SUSD1: variants seen among roughly 807,000 people sequenced by gnomAD.
SUSD1 encodes the protein sushi domain containing 1, also known as sushi domain-containing protein 1.
In SUSD1, 65 loss-of-function variants were observed where a neutral mutation model predicts 86.9. The observed-to-expected ratio is 0.75, with a 90% CI of 0.61 to 0.92. The LOEUF (loss-of-function observed/expected upper bound fraction) is 0.92. Ranked by LOEUF, SUSD1 falls within the 40% of genes least tolerant of loss-of-function variation. SUSD1 has a pLI of 0.00. For missense variants in SUSD1, 850 were observed against 929.7 expected, an observed-to-expected ratio of 0.91 and a Z score of 1.11; for synonymous variants, 346 against 350.0, an observed-to-expected ratio of 0.99 and a Z score of 0.13.
rs754148407 is a variant in SUSD1, at chr9:112,131,457, C to T, written c.707-7021G>A. Among the ~76,000 whole-genome samples, 43 of 152,156 alleles carry T rather than the reference C, an allele frequency of 2.8e-4. 1 individual carries two copies. Among genetic ancestry groups the T allele is most frequent in the Admixed American group, 2.0e-4 (3 of 15,272 alleles). On this transcript the variant is annotated intron_variant, in intron 5 of 16. Transcript: ENST00000374270. ...ACCTTCTTGGGCCTGATGTTTAACC[C>T]TATGTATGACATTATAGTCTGGCCT...
chr9:112,167,490 CG>C (rs1285089297), intron 1 of SUSD1, among the ~76,000 whole-genome samples: 1 of 152,136 alleles, frequency 6.6e-6, no homozygotes, highest in African/African-American at 2.4e-5. Context: ...TAAAGCAACA[CG>C]CAAATATGAG....
intron 15 of SUSD1, 129 bp from the exon 16 acceptor site, chr9:112,042,089 T>C (rs1827766267): frequency 1.3e-6 from 2 of 1,544,854 alleles, no homozygotes; most frequent in Admixed American, 2.0e-5. Flanking sequence ...ATCCCAAGAA[T>C]GCCCAACATG....
At chr9:112,129,749 C>T (rs148744307) in intron 5 of SUSD1, among the ~76,000 whole-genome samples, 16 of 152,284 alleles carry the variant, frequency 1.1e-4, no homozygotes, top group Non-Finnish European at 1.9e-4. Context: ...GAGTCTTTGT[C>T]TTATAATTCT....
At chr9:112,082,251 TTCTA>T (rs1354637125) in intron 10 of SUSD1, among the ~76,000 whole-genome samples, 3 of 152,312 alleles carry the variant, frequency 2.0e-5, no homozygotes, top group Admixed American at 6.5e-5. Context: ...ACTGATCATT[TTCTA>T]TCTATCTTCA....
intron 1 of SUSD1, among the ~76,000 whole-genome samples, chr9:112,158,502 C>A (rs1315891251): frequency 6.6e-6 from 1 of 152,012 alleles, no homozygotes; most frequent in Non-Finnish European, 1.5e-5. Flanking sequence ...GCAATTCTCC[C>A]CACCTCAACC....
chr9:112,157,400 A>C, intron 2 of SUSD1, 100 bp downstream of exon 2: 1 of 789,890 alleles, frequency 1.3e-6, no homozygotes, highest in Non-Finnish European at 2.0e-6. Context: ...ACATGTGAAC[A>C]AAATAACAAT....
At chr9:112,052,271 T>G (rs771988264) in intron 15 of SUSD1, 128 bp downstream of exon 15, 1 of 1,573,426 alleles carries the variant, frequency 6.4e-7, no homozygotes. Flanking sequence ...TATGAAGCTC[T>G]TTGCTTAAAG....
intron 1 of SUSD1, among the ~76,000 whole-genome samples, chr9:112,169,757 C>T (rs569215914): frequency 6.6e-6 from 1 of 151,918 alleles, no homozygotes; most frequent in Non-Finnish European, 1.5e-5. Context: ...TCACTGCAAC[C>T]TCCACCTCCC....
rs1189973506 is a variant in SUSD1, at chr9:112,078,646, C to G, written c.1645G>C (p.Asp549His). The G allele has an allele frequency of 1.9e-6, 3 of 1,613,934 alleles. No individual in the cohort carries two copies. The highest frequency in any genetic ancestry group is 2.5e-6 in the Non-Finnish European group (3 of 1,179,984). The change falls in exon 12 of 17, where the codon GAT becomes CAT. Residue 549 changes from aspartate (D) to histidine (H), a missense_variant. Asp to His is a moderately conservative substitution (Grantham distance 81). Transcript: ENST00000374270. ...CGTAGGTCCAAGCACACCTCGGGAT[C>G]TCGGCTGCTGCTACTGATATTAAAG... ...MTFNISSSSR[D>H]PEVCLDLRPG...
chr9:112,049,631 C>T (rs574024383), intron 15 of SUSD1, among the ~76,000 whole-genome samples: 9 of 152,300 alleles, frequency 5.9e-5, no homozygotes, highest in African/African-American at 1.7e-4. Context: ...TGAACTGGCA[C>T]GATTTCAGGA....
In SUSD1 at chr9:112,063,021, G is replaced by A. The variant is rs754624821; in HGVS notation, c.1766C>T (p.Pro589Leu). 11 of 1,611,188 alleles carry A rather than the reference G, an allele frequency of 6.8e-6. No individual in the cohort carries two copies. The highest frequency in any genetic ancestry group is 2.7e-5 in the African/African-American group (2 of 74,850). Residue 589 changes from proline to leucine, a missense_variant, in exon 13 of 17, where the codon CCG becomes CTG. Physicochemically the swap from Pro to Leu is moderately conservative, Grantham distance 98. Coordinates refer to ENST00000374270, the MANE Select transcript of SUSD1 (RefSeq NM_022486.5). ...GTGCACCGTAAAAAATTCTACTTCCGGGAGGGGAGGCTCTGAAAACATGTT... is the reference window on the plus strand; with the variant it reads ...GTGCACCGTAAAAAATTCTACTTCCAGGAGGGGAGGCTCTGAAAACATGTT... ...LTTQITEPPL[P>L]EVEFFTVHRG...
At chr9:112,048,281 G>C (rs984392694) in intron 15 of SUSD1, among the ~76,000 whole-genome samples, 3 of 152,158 alleles carry the variant, frequency 2.0e-5, no homozygotes, top group South Asian at 2.1e-4. Context: ...ATGAATAACT[G>C]AGAGAAGGTA....
chr9:112,146,381 G>T (rs1429125792), intron 3 of SUSD1, among the ~76,000 whole-genome samples: 3 of 152,214 alleles, frequency 2.0e-5, no homozygotes, highest in Non-Finnish European at 4.4e-5. Flanking sequence ...TACATCAAAA[G>T]GGTGAATTTG....
intron 10 of SUSD1, among the ~76,000 whole-genome samples, chr9:112,084,217 A>C (rs932619338): frequency 6.6e-6 from 1 of 152,198 alleles, no homozygotes; most frequent in African/African-American, 2.4e-5. Context: ...CTGTAATGAC[A>C]AAAACTTGAA....
At chr9:112,165,942 G>GAAAGGAAGAAAGA (rs11377595) in intron 1 of SUSD1, among the ~76,000 whole-genome samples, 6 of 71,962 alleles carry the variant, frequency 8.3e-5, no homozygotes, top group African/African-American at 3.3e-4. Context: ...AAGAAAGAAA[G>GAAAGGAAGAAAGA]AAGAAAGAAA....
chr9:112,074,409 AGGCCACAG>A (rs1271168805), intron 12 of SUSD1, among the ~76,000 whole-genome samples: 1 of 152,128 alleles, frequency 6.6e-6, no homozygotes, highest in Non-Finnish European at 1.5e-5. Context: ...AAACACCGTG[AGGCCACAG>A]CTCCATCTCA....
rs1339224600 is a variant in SUSD1, at chr9:112,058,679, G to A, written c.1858C>T (p.Gln620Ter). ...AGGGCCAGGGGAAGCACTAACACCTGATATGAACTGGAAGAAAAAAGGAGA... is the reference window on the plus strand; with the variant it reads ...AGGGCCAGGGGAAGCACTAACACCTAATATGAACTGGAAGAAAAAAGGAGA... Reference protein sequence around the residue: ...KEKNGPISSYQVLVLPLALQS... With the variant: ...KEKNGPISSY Residue 620 changes from glutamine to a stop codon, truncating the protein, a stop_gained, in exon 14 of 17, where the codon CAG becomes TAG. Transcript: ENST00000374270. LOFTEE classifies it high-confidence loss of function. The A allele has an allele frequency of 1.2e-6, 2 of 1,613,856 alleles. No homozygotes were observed. The highest frequency in any genetic ancestry group is 1.3e-5 in the African/African-American group (1 of 74,882).
At chr9:112,120,942 G>A (rs540529296) in intron 6 of SUSD1, among the ~76,000 whole-genome samples, 8 of 152,244 alleles carry the variant, frequency 5.3e-5, no homozygotes, top group African/African-American at 1.9e-4. Flanking sequence ...GTTCTGTGTC[G>A]GGAATACTTC....
intron 10 of SUSD1, among the ~76,000 whole-genome samples, chr9:112,082,573 G>A (rs913491319): frequency 2.0e-5 from 3 of 152,116 alleles, no homozygotes; most frequent in South Asian, 2.1e-4. Context: ...TGGAAAGGGC[G>A]TGGAAATAGA....
Sources: gnomAD v4.1 joint callset for allele counts (sites outside exome capture counted in the v4.1 genomes callset) on GRCh38, gnomAD v4.1.1 for gene constraint, MANE v1.5 for transcripts, NCBI Gene and HGNC (gene_info 2026-07-23, HGNC 2026-07-21) for gene names.